Variants in DDX3X observed in about 807,000 individuals in gnomAD.
The protein encoded by DDX3X is DEAD-box helicase 3 X-linked, also known as ATP-dependent RNA helicase DDX3X.
DDX3X carries 4 observed loss-of-function variants against 52.7 expected under a neutral mutation model. That is an observed-to-expected ratio of 0.08 (90% CI 0.04 to 0.17). The LOEUF is 0.17. DDX3X is among the 10% of genes least tolerant of loss of function. The probability of loss-of-function intolerance (pLI) is 1.00; values close to 1 mark genes in which losing one functional copy is unlikely to be tolerated. For missense variants in DDX3X, 222 were observed against 548.6 expected (o/e 0.40, Z 5.95); for synonymous variants, 192 against 178.1 (o/e 1.08, Z -0.62).
intron 6 of DDX3X, 45 bp downstream of exon 6, chrX:41,342,881 G>A (rs1271516807): frequency 2.0e-6 from 2 of 1,019,540 alleles, no homozygotes; most frequent in Admixed American, 2.2e-5. Flanking sequence ...GAGGTTAAAT[G>A]TTTTCATGTT....
chrX:41,363,890 C>T (rs985816072), intron 5 of DDX3X, among the ~76,000 whole-genome samples: 1 of 111,786 alleles, frequency 8.9e-6, no homozygotes, highest in Admixed American at 9.6e-5. Context: ...TTCATTTCAC[C>T]ACCTCTCTCC....
chrX:41,340,625 C>T (rs997917849), intron 3 of DDX3X: 7 of 272,254 alleles, frequency 2.6e-5, no homozygotes, highest in African/African-American at 2.0e-4. Flanking sequence ...GAGGGTTTTT[C>T]TTTTTCCCAG....
upstream of DDX3X, chrX:41,333,960 C>T (rs2063715086): frequency 7.0e-6 from 2 of 284,377 alleles, no homozygotes; most frequent in East Asian, 1.1e-4. Flanking sequence ...ATTTCGCACC[C>T]TAAGCTCCAA....
At chrX:41,334,870 G>C in intron 1 of DDX3X, 5 of 564,884 alleles carry the variant, frequency 8.9e-6, no homozygotes, top group Non-Finnish European at 1.2e-5. Context: ...GCTCACCTCC[G>C]GGAGACGGCG....
chrX:41,363,464 G>A (rs1297807148), intron 5 of DDX3X, among the ~76,000 whole-genome samples: 2 of 108,121 alleles, frequency 1.8e-5, no homozygotes, highest in African/African-American at 6.8e-5. Context: ...GGTTCCTATG[G>A]ACATATAATA....
chrX:41,342,483 T>C lies in DDX3X; in HGVS notation c.285-12T>C. On this transcript the variant is annotated splice_polypyrimidine_tract_variant and intron_variant, in intron 4 of 16. Transcript: ENST00000644876. Reference sequence around the variant, plus strand: ...AATGATATGATTCTGATTAATTGCTTGTGCTGTTCAGGTTTGATGATCGTG... The same window carrying C: ...AATGATATGATTCTGATTAATTGCTCGTGCTGTTCAGGTTTGATGATCGTG... 8.3e-7 allele frequency: 1 copy of C among 1,210,061 alleles called. No homozygotes were observed. The highest frequency in any genetic ancestry group is 1.1e-6 in the Non-Finnish European group (1 of 894,017).
At chrX:41,357,048 C>T (rs919404643) in intron 5 of DDX3X, among the ~76,000 whole-genome samples, 2 of 105,985 alleles carry the variant, frequency 1.9e-5, no homozygotes, top group Admixed American at 2.1e-4. Context: ...ATTCTCCTGC[C>T]TCAGCCTCCC....
intron 2 of DDX3X, chrX:41,338,413 T>C (rs1428945978): frequency 8.9e-6 from 1 of 111,758 alleles, no homozygotes; most frequent in Non-Finnish European, 1.9e-5. Context: ...AAAAGAAAAA[T>C]GACACGTTTA....
chrX:41,336,068 A>G (rs1483495058), intron 1 of DDX3X: 3 of 112,211 alleles, frequency 2.7e-5, no homozygotes, highest in African/African-American at 9.7e-5. Flanking sequence ...TTAAAAGTAT[A>G]GCATCTGCTT....
At position 41,349,319 on chromosome X, in the gene DDX3X, A is replaced by G. The variant is rs921385613; in HGVS notation, c.*1600A>G. 1 of 111,756 alleles carries G rather than the reference A, an allele frequency of 8.9e-6. No individual in the cohort carries two copies. Among genetic ancestry groups the G allele is most frequent in the African/African-American group, 3.3e-5 (1 of 30,612 alleles). The allele number at this position is 111,756 out of a possible 1,213,427, so 9.2% of individuals were successfully genotyped here. A position where few individuals can be genotyped will look rare whatever the true frequency, so the allele number is the denominator to read the frequency against. On this transcript the variant is annotated 3_prime_UTR_variant, in exon 17 of 17. Coordinates refer to ENST00000644876, the MANE Select transcript of DDX3X (RefSeq NM_001356.5). ...ATTGCACATTCAGAGAATTTTATAT[A>G]TATGTCTTGTGTGCGTGTCCTTAAA... is the stretch of plus-strand genomic sequence containing the variant.
rs2063961477 is a variant in DDX3X, at chrX:41,349,184, A to C, written c.*1465A>C. The C allele has an allele frequency of 8.9e-6, 1 of 112,575 alleles. No homozygotes were observed. The highest frequency in any genetic ancestry group is 3.2e-5 in the African/African-American group (1 of 30,905). The allele number at this position is 112,575 out of a possible 1,213,427, so 9.3% of individuals were successfully genotyped here. On this transcript the variant is annotated 3_prime_UTR_variant, in exon 17 of 17. Transcript: ENST00000644876. ...GTGCCTTGTTCTAAAACTTTTATTAAGTAGGTGCACTTGACAGTATTGAGG... is the reference window on the plus strand; with the variant it reads ...GTGCCTTGTTCTAAAACTTTTATTACGTAGGTGCACTTGACAGTATTGAGG...
rs762809683 is a variant in DDX3X, at chrX:41,337,389, C to T, written c.46-19C>T. On this transcript the variant is annotated intron_variant, in intron 1 of 16. Transcript: ENST00000644876. Reference sequence around the variant, plus strand: ...AGTATTTGAGCACATGGGGTGCTAACCATCTCACTCTCTTCTAGTTTGCTG... The same window carrying T: ...AGTATTTGAGCACATGGGGTGCTAATCATCTCACTCTCTTCTAGTTTGCTG... 2 of 1,200,459 alleles carry T rather than the reference C, an allele frequency of 1.7e-6. No individual in the cohort carries two copies. Among genetic ancestry groups the T allele is most frequent in the Non-Finnish European group, 2.3e-6 (2 of 886,323 alleles).
rs1342955638 is a variant in DDX3X at position 41,343,557 on chromosome X, A to C, written c.680-180A>C. The stretch of plus-strand genomic sequence containing the variant: ...TTTATAAAAATAACAGGCTTTATTT[A>C]CAAAATAGTCTCAGTTTGCTGACTC... On this transcript the variant is annotated intron_variant, in intron 7 of 16. Transcript: ENST00000644876. The C allele has an allele frequency of 9.3e-6, 5 of 536,264 alleles. No homozygotes were observed. The African/African-American group carries it at 1.2e-4, about 13-fold the overall frequency. 44.2% of individuals were successfully genotyped at this position (536,264 alleles called of 1,213,427 possible).
intron 2 of DDX3X, 153 bp downstream of exon 2, chrX:41,337,618 G>C (rs1266102562): frequency 2.8e-5 from 11 of 391,152 alleles, no homozygotes; most frequent in Non-Finnish European, 4.7e-5. Flanking sequence ...GTAGTACTTA[G>C]TGATCAATCT....
chrX:41,356,929 C>CTTTT (rs35577255), intron 5 of DDX3X, among the ~76,000 whole-genome samples: 9 of 55,912 alleles, frequency 1.6e-4, no homozygotes, highest in Non-Finnish European at 2.1e-4. Flanking sequence ...CACACTAATT[C>CTTTT]TTTTTTTTTT....
At chrX:41,356,454 CTT>C (rs760583439) in intron 5 of DDX3X, among the ~76,000 whole-genome samples, 3 of 65,645 alleles carry the variant, frequency 4.6e-5, no homozygotes, top group African/African-American at 2.1e-4. Context: ...GCCAGTATTT[CTT>C]TTTTTTTTTT....
At chrX:41,352,269 T>G (rs755689611), downstream of DDX3X, among the ~76,000 whole-genome samples, 28 of 111,900 alleles carry the variant, frequency 2.5e-4, no homozygotes, top group Admixed American at 2.2e-3. Context: ...ATATCCAGTT[T>G]TAGTCCTTAT....
rs200507747 is a variant in DDX3X at position 41,339,134 on chromosome X, G to A, written c.151+51G>A. ...GGTCTATTTTTTGCCTCCTTTAGAA[G>A]TTAGTAAAGCCTAAGGAAAACCAGG... On this transcript the variant is annotated intron_variant, in intron 3 of 16. Transcript: ENST00000644876. 5 of 745,928 alleles carry A rather than the reference G, an allele frequency of 6.7e-6. No homozygotes were observed. The African/African-American group carries it at 8.9e-5, about 13-fold the overall frequency. The allele number at this position is 745,928 out of a possible 1,213,427, so 61.5% of individuals were successfully genotyped here.
chrX:41,340,608 T>C (rs2063836845), intron 3 of DDX3X: 2 of 267,485 alleles, frequency 7.5e-6, no homozygotes, highest in Admixed American at 1.3e-4. Context: ...TGAGAATATA[T>C]AGTGATGAGG....
Sources: allele counts gnomAD v4.1 joint callset (sites outside exome capture counted in the v4.1 genomes callset), GRCh38; gene constraint gnomAD v4.1.1; transcripts MANE v1.5; gene names NCBI Gene and HGNC (gene_info 2026-07-23, HGNC 2026-07-21).